Variants in TBC1D4 observed in about 807,000 individuals in gnomAD.
The protein encoded by TBC1D4 is TBC1 domain family member 4.
TBC1D4 carries 121 observed loss-of-function variants against 142.5 expected under a neutral mutation model. That is an observed-to-expected ratio of 0.85 (90% CI 0.73 to 0.99). The LOEUF (loss-of-function observed/expected upper bound fraction) is 0.99, where lower values mean the gene tolerates loss of function less well. TBC1D4 is among the 50% of genes least tolerant of loss of function. TBC1D4 has a pLI of 0.00. For synonymous variants in TBC1D4, 630 were observed against 628.2 expected, an observed-to-expected ratio of 1.00 and a Z score of -0.04; for missense variants, 1,475 against 1,606.6, an observed-to-expected ratio of 0.92 and a Z score of 1.40.
chr13:75,291,425 T>C (rs1475877945), intron 19 of TBC1D4, among the ~76,000 whole-genome samples: 6 of 152,202 alleles, frequency 3.9e-5, no homozygotes, highest in African/African-American at 1.2e-4. Flanking sequence ...ACAGCTTCCC[T>C]ATGTTACTAG....
Position 75,299,582 on chromosome 13 carries a change from G to A in TBC1D4, c.2912-8C>T, listed in dbSNP as rs760499537. The A allele has an allele frequency of 2.5e-5, 40 of 1,613,712 alleles. No individual in the cohort carries two copies. The highest frequency in any genetic ancestry group is 5.0e-5 in the Admixed American group (3 of 59,972). On this transcript the variant is annotated splice_polypyrimidine_tract_variant and splice_region_variant and intron_variant, in intron 16 of 20. Coordinates refer to ENST00000377636, the MANE Select transcript of TBC1D4 (RefSeq NM_014832.5). ...GAGTAGGAAACGTCCTTCCTGCAGA[G>A]GAAAAGAAGGAAAATATTTTTTGAA... is the stretch of plus-strand genomic sequence containing the variant.
At chr13:75,472,088 C>A (rs1301728821) in intron 1 of TBC1D4, among the ~76,000 whole-genome samples, 4 of 127,530 alleles carry the variant, frequency 3.1e-5, no homozygotes, top group African/African-American at 3.2e-5. Flanking sequence ...GCCTGGGCAA[C>A]AGAGCCAGAC....
At chr13:75,435,995 C>T (rs889699694) in intron 1 of TBC1D4, among the ~76,000 whole-genome samples, 14 of 152,174 alleles carry the variant, frequency 9.2e-5, no homozygotes, top group Non-Finnish European at 1.9e-4. Context: ...GCTGTGTCCC[C>T]ACCCAAATCT....
In TBC1D4 at chr13:75,362,904, AAT is replaced by A. The variant is rs1882653019; in HGVS notation, c.499-299_499-298del. ...AGCCACTGCCAACCTATTATGTCAT[AAT>A]ATGTCTTTTGATTGTGTTTAAAAGT... On this transcript the variant is annotated intron_variant, in intron 1 of 20. Coordinates refer to ENST00000377636, the MANE Select transcript of TBC1D4 (RefSeq NM_014832.5). The surrounding 1 kb of genome is among the most constrained non-coding windows in gnomAD (Gnocchi z 4.2). Among the ~76,000 whole-genome samples, 2 of 152,326 alleles carry A rather than the reference AAT, an allele frequency of 1.3e-5. No homozygotes were observed. Among genetic ancestry groups the A allele is most frequent in the South Asian group, 4.1e-4 (2 of 4,830 alleles).
chr13:75,374,624 C>T (rs758749266), intron 1 of TBC1D4, among the ~76,000 whole-genome samples: 8 of 152,198 alleles, frequency 5.3e-5, no homozygotes, highest in South Asian at 2.1e-4. Flanking sequence ...TGGTTCCTAA[C>T]AGTTAGCCTG....
rs200446215 is a variant in TBC1D4 at position 75,362,393 on chromosome 13, T to G, written c.713A>C (p.Lys238Thr). Residue 238 changes from lysine (K) to threonine (T), a missense_variant, in exon 2 of 21, where the codon AAG (lysine) becomes ACG (threonine). Around this residue, in one of 2 missense-constraint regions of TBC1D4, gnomAD observed 1,227 missense variants for 1,267.7 expected, o/e 0.97. Transcript: ENST00000377636. The surrounding 1 kb of genome is among the most constrained non-coding windows in gnomAD (Gnocchi z 4.2). Reference protein sequence around the residue: ...KFSLHEQQRLKIQGEQRGPDP... With the variant: ...KFSLHEQQRLTIQGEQRGPDP... Reference sequence around the variant, plus strand: ...CGGACCGCGCTGCTCCCCTTGGATCTTCAGGCGCTGCTGTTCGTGCAGGCT... The same window carrying G: ...CGGACCGCGCTGCTCCCCTTGGATCGTCAGGCGCTGCTGTTCGTGCAGGCT... 444 of 1,614,126 alleles carry G rather than the reference T, an allele frequency of 2.8e-4. No individual in the cohort carries two copies. The highest frequency in any genetic ancestry group is 8.2e-4 in the Middle Eastern group (5 of 6,084).
intron 1 of TBC1D4, among the ~76,000 whole-genome samples, chr13:75,462,696 CTA>C (rs1888021046): frequency 6.6e-6 from 1 of 152,122 alleles, no homozygotes; most frequent in East Asian, 1.9e-4. Context: ...GCCCAAATGA[CTA>C]TAAATAAAGT....
chr13:75,405,027 G>T, intron 1 of TBC1D4, among the ~76,000 whole-genome samples: 1 of 152,012 alleles, frequency 6.6e-6, no homozygotes, highest in Non-Finnish European at 1.5e-5. Flanking sequence ...ATTTGGGTAG[G>T]GTTGCAGTTT....
At chr13:75,468,795 A>C (rs1020535756) in intron 1 of TBC1D4, among the ~76,000 whole-genome samples, 13 of 152,198 alleles carry the variant, frequency 8.5e-5, no homozygotes, top group African/African-American at 3.1e-4. Context: ...GAGGGCAGGG[A>C]TCAATTCTTA....
intron 1 of TBC1D4, among the ~76,000 whole-genome samples, chr13:75,373,512 C>A (rs563628446): frequency 6.6e-6 from 1 of 152,294 alleles, no homozygotes; most frequent in African/African-American, 2.4e-5. Flanking sequence ...CTGACCCGGA[C>A]TTGCACTTTT....
chr13:75,305,209 T>C (rs879361587), intron 15 of TBC1D4, among the ~76,000 whole-genome samples: 4 of 152,216 alleles, frequency 2.6e-5, no homozygotes, highest in Non-Finnish European at 5.9e-5. Flanking sequence ...TTGTGAGGCC[T>C]CCCCAGACAC....
At chr13:75,423,042 A>C (rs931216571) in intron 1 of TBC1D4, among the ~76,000 whole-genome samples, 1 of 152,200 alleles carries the variant, frequency 6.6e-6, no homozygotes, top group Non-Finnish European at 1.5e-5. Flanking sequence ...CAGCTGACAG[A>C]GAAAACATAT....
chr13:75,318,254 CAAAGGTGGTGT>C (rs763096827), intron 12 of TBC1D4, among the ~76,000 whole-genome samples: 3,890 of 146,432 alleles, frequency 0.027, 94 homozygotes, highest in African/African-American at 0.069. Flanking sequence ...ACCAGTCTTG[CAAAGGTGGTGT>C]TATACTGAGC....
intron 19 of TBC1D4, among the ~76,000 whole-genome samples, chr13:75,291,474 G>A (rs370544506): frequency 2.0e-5 from 3 of 152,226 alleles, no homozygotes; most frequent in East Asian, 1.9e-4. Context: ...ATTGCCTTAC[G>A]CCTACCCACA....
intron 1 of TBC1D4, among the ~76,000 whole-genome samples, chr13:75,399,954 G>T (rs1048696907): frequency 2.0e-5 from 3 of 152,086 alleles, no homozygotes; most frequent in African/African-American, 7.2e-5. Flanking sequence ...AGACCAAAAG[G>T]AGAGCCATTC....
chr13:75,384,819 T>G (rs948783061), intron 1 of TBC1D4, among the ~76,000 whole-genome samples: 2 of 152,172 alleles, frequency 1.3e-5, no homozygotes, highest in Non-Finnish European at 2.9e-5. Flanking sequence ...CAGTTATGGT[T>G]AAAATAACTG....
At chr13:75,402,713 T>C (rs1225558952) in intron 1 of TBC1D4, among the ~76,000 whole-genome samples, 1 of 149,490 alleles carries the variant, frequency 6.7e-6, no homozygotes, top group Non-Finnish European at 1.5e-5. Flanking sequence ...ATGCATTATC[T>C]GTGATGAAAA....
At chr13:75,389,988 A>G (rs1884378393) in intron 1 of TBC1D4, among the ~76,000 whole-genome samples, 1 of 152,196 alleles carries the variant, frequency 6.6e-6, no homozygotes, top group Non-Finnish European at 1.5e-5. Flanking sequence ...TGAAAAGGTC[A>G]GAAGAGGCTG....
At chr13:75,412,085 T>C (rs1238966082) in intron 1 of TBC1D4, among the ~76,000 whole-genome samples, 1 of 152,200 alleles carries the variant, frequency 6.6e-6, no homozygotes, top group Non-Finnish European at 1.5e-5. Flanking sequence ...AAGAGAATCC[T>C]GTAAATTATA....
Sources: gnomAD v4.1 joint callset for allele counts (sites outside exome capture counted in the v4.1 genomes callset) on GRCh38, gnomAD v4.1.1 for gene constraint, gnomAD v4.1.1 regional missense constraint, Gnocchi (gnomAD v3.1) non-coding constraint, MANE v1.5 for transcripts, NCBI Gene and HGNC (gene_info 2026-07-23, HGNC 2026-07-21) for gene names.